Variants in DNAH6 observed in about 807,000 individuals in gnomAD.
The protein encoded by DNAH6 is axonemal beta dynein heavy chain 6.
Under a neutral mutation model 491.4 loss-of-function variants are expected in DNAH6, and 340 were observed. That is an observed-to-expected ratio of 0.69 (90% confidence interval 0.63 to 0.76). The LOEUF (loss-of-function observed/expected upper bound fraction) is 0.76, where lower values mean the gene tolerates loss of function less well. Among genes scored for constraint, DNAH6 ranks in the 30% least tolerant of loss-of-function variants. DNAH6 has a pLI of 0.00. For missense variants in DNAH6, 4,443 were observed against 4,972.2 expected, an observed-to-expected ratio of 0.89 and a Z score of 3.20; for synonymous variants, 1,603 against 1,686.1, an observed-to-expected ratio of 0.95 and a Z score of 1.21.
intron 15 of DNAH6, among the ~76,000 whole-genome samples, chr2:84,586,325 T>C (rs1169198852): frequency 2.6e-5 from 4 of 152,084 alleles, no homozygotes; most frequent in African/African-American, 9.7e-5. Flanking sequence ...CTCCATGGAG[T>C]GTGCAGCCCT....
intron 60 of DNAH6, among the ~76,000 whole-genome samples, chr2:84,725,873 C>T (rs1237744280): frequency 6.6e-6 from 1 of 152,144 alleles, no homozygotes; most frequent in Non-Finnish European, 1.5e-5. Flanking sequence ...CTCTATGGTT[C>T]TTGTCAGGTT....
chr2:84,733,044 C>G (rs1272619915), intron 61 of DNAH6, among the ~76,000 whole-genome samples: 1 of 152,226 alleles, frequency 6.6e-6, no homozygotes, highest in Non-Finnish European at 1.5e-5. Flanking sequence ...TGATACTGCT[C>G]CATACTCAGC....
rs2276610 is a variant in DNAH6 at position 84,812,439 on chromosome 2, C to T, written c.11838C>T (p.Pro3946=). 0.029 allele frequency: 45,692 copies of T among 1,551,642 alleles called. 854 individuals carry two copies. Among genetic ancestry groups the T allele is most frequent in the Middle Eastern group, 0.063 (379 of 5,992 alleles). ...VYNSFLNNQV[P]ALWSNTAYPS... is the part of the protein sequence containing the mutation. The stretch of plus-strand genomic sequence containing the variant: ...ACAGTTTCCTCAACAACCAGGTTCC[C>T]GCTCTGTGGTCCAACACAGCCTACC... Residue 3946 remains proline (P), a synonymous_variant, in exon 73 of 77, where the codon CCC becomes CCT. Transcript: ENST00000389394.
At chr2:84,612,581 A>C (rs1686438681) in intron 22 of DNAH6, among the ~76,000 whole-genome samples, 1 of 152,200 alleles carries the variant, frequency 6.6e-6, no homozygotes, top group South Asian at 2.1e-4. Flanking sequence ...TACATGGAAT[A>C]ATAGAATTGA....
intron 70 of DNAH6, among the ~76,000 whole-genome samples, chr2:84,801,879 GAA>G (rs755464606): frequency 1.6e-5 from 2 of 124,074 alleles, no homozygotes; most frequent in African/African-American, 3.0e-5. Flanking sequence ...GTGAGGCTCT[GAA>G]AAAAAAAAAA....
chr2:84,793,211 C>T (rs1677951815), intron 68 of DNAH6, among the ~76,000 whole-genome samples: 1 of 142,496 alleles, frequency 7.0e-6, no homozygotes. Context: ...CGCATGCACA[C>T]ACGTACACAC....
intron 24 of DNAH6, among the ~76,000 whole-genome samples, chr2:84,620,375 T>G (rs1687274712): frequency 6.6e-6 from 1 of 152,182 alleles, no homozygotes; most frequent in African/African-American, 2.4e-5. Context: ...TGTTAGTTGC[T>G]GGCAGCAGCA....
At position 84,611,694 on chromosome 2, in the gene DNAH6, G is replaced by A; in HGVS notation, c.3315G>A (p.Gln1105=). Residue 1105 remains glutamine (Q), a synonymous_variant, in exon 22 of 77, where the codon CAG becomes CAA. Transcript: ENST00000389394. ...NQTLEEWLTC[Q]RNWLYLESIF... Reference sequence around the variant, plus strand: ...CCTAGGAAGAGTGGCTGACCTGCCAGAGAAACTGGCTCTACCTAGAAAGTA... The same window carrying A: ...CCTAGGAAGAGTGGCTGACCTGCCAAAGAAACTGGCTCTACCTAGAAAGTA... The A allele has an allele frequency of 6.4e-7, 1 of 1,550,796 alleles. No individual in the cohort carries two copies. Among genetic ancestry groups the A allele is most frequent in the Non-Finnish European group, 8.7e-7 (1 of 1,146,462 alleles).
At chr2:84,642,426 A>G (rs1689501176) in intron 33 of DNAH6, among the ~76,000 whole-genome samples, 1 of 152,130 alleles carries the variant, frequency 6.6e-6, no homozygotes, top group African/African-American at 2.4e-5. Flanking sequence ...TCTCCACGTT[A>G]TACATGTATA....
chr2:84,580,757 CAAAT>C (rs63113060), intron 14 of DNAH6, among the ~76,000 whole-genome samples: 122,382 of 151,720 alleles, frequency 0.81, 52,022 homozygotes, highest in East Asian at 0.99. Context: ...CCACTTCAAA[CAAAT>C]AACCCAAACC....
At position 84,664,471 on chromosome 2, in the gene DNAH6, T is replaced by G. The variant is rs1305212108; in HGVS notation, c.6085-4818T>G. The stretch of plus-strand genomic sequence containing the variant: ...AATCTTAGTCTCTGATAAAACAGAC[T>G]TTAAACCAACAAAGATCAAAAGAGA... On this transcript the variant is annotated intron_variant, in intron 37 of 76. Coordinates refer to ENST00000389394, the MANE Select transcript of DNAH6 (RefSeq NM_001370.2). 8.6e-5 allele frequency among the ~76,000 whole-genome samples: 13 copies of G among 151,658 alleles called. No homozygotes were observed. The South Asian group carries it at 1.9e-3, about 22-fold the overall frequency.
the DNAH6 span, among the ~76,000 whole-genome samples, chr2:84,509,016 G>T: frequency 6.6e-6 from 1 of 152,184 alleles, no homozygotes; most frequent in Non-Finnish European, 1.5e-5. Context: ...AATAAGTGCA[G>T]TGTGGCACTG....
intron 47 of DNAH6, among the ~76,000 whole-genome samples, chr2:84,698,458 A>C (rs1471791283): frequency 6.6e-6 from 1 of 152,220 alleles, no homozygotes; most frequent in Non-Finnish European, 1.5e-5. Flanking sequence ...ACACTGTAGA[A>C]GTCAATGGTC....
chr2:84,514,867 T>TCACACACACACACACACA (rs58335460), upstream of DNAH6, among the ~76,000 whole-genome samples: 2,847 of 139,028 alleles, frequency 0.02, 59 homozygotes, highest in Middle Eastern at 0.025. Context: ...TTCACCACAG[T>TCACACACACACACACACA]CACACACACA....
intron 19 of DNAH6, 47 bp from the exon 20 acceptor site, chr2:84,605,449 GTATC>G: frequency 8.2e-6 from 10 of 1,218,554 alleles, no homozygotes; most frequent in Non-Finnish European, 7.1e-6. Flanking sequence ...CATTTATTGA[GTATC>G]TAAACACACT....
intron 45 of DNAH6, among the ~76,000 whole-genome samples, chr2:84,693,282 C>T (rs1695050454): frequency 6.6e-6 from 1 of 152,118 alleles, no homozygotes. Context: ...TTGGCCTCTA[C>T]TTTTCCTGTT....
rs925883534 is a variant in DNAH6 at position 84,819,325 on chromosome 2, G to A, written c.12394G>A (p.Val4132Ile). ...STTGHSTNFV[V>I]TVLLPSKRSK... ...ATTAGGACATTCAACCAATTTTGTG[G>A]TAACCGTCCTGTTACCCTCCAAGCG... is the stretch of plus-strand genomic sequence containing the variant. The change falls in exon 77 of 77, where the codon GTA (valine) becomes ATA (isoleucine). Residue 4132 changes from valine (V) to isoleucine (I), a missense_variant. Val to Ile is a conservative substitution (Grantham distance 29). This residue lies in a region of DNAH6 where 1,463 missense variants were observed against 1,656.6 expected (regional missense o/e 0.88). Transcript: ENST00000389394. The A allele has an allele frequency of 1.2e-5, 19 of 1,549,698 alleles. No homozygotes were observed. Among genetic ancestry groups the A allele is most frequent in the Admixed American group, 9.9e-5 (5 of 50,738 alleles).
At chr2:84,497,968 T>C in the DNAH6 span, among the ~76,000 whole-genome samples, 1 of 152,226 alleles carries the variant, frequency 6.6e-6, no homozygotes, top group Non-Finnish European at 1.5e-5. Flanking sequence ...AGAAGAGGTC[T>C]TGGCCCTTCC....
intron 26 of DNAH6, among the ~76,000 whole-genome samples, chr2:84,622,090 C>G (rs1014061591): frequency 6.6e-6 from 1 of 152,162 alleles, no homozygotes; most frequent in African/African-American, 2.4e-5. Context: ...ACTTGTTGAA[C>G]AGCAACTCCA....
Sources: gnomAD v4.1 joint callset for allele counts (sites outside exome capture counted in the v4.1 genomes callset) on GRCh38, gnomAD v4.1.1 for gene constraint, gnomAD v4.1.1 regional missense constraint, MANE v1.5 for transcripts, NCBI Gene and HGNC (gene_info 2026-07-23, HGNC 2026-07-21) for gene names.